TUSC3: variants seen among roughly 807,000 people sequenced by gnomAD.
TUSC3 encodes the protein dolichyl-diphosphooligosaccharide--protein glycosyltransferase subunit TUSC3.
In TUSC3, 45 loss-of-function variants were observed where a neutral mutation model predicts 44.8. The ratio of observed to expected loss-of-function variants is 1.00; its 90% CI spans 0.79 to 1.29. The LOEUF (loss-of-function observed/expected upper bound fraction) is 1.29. Ranked by LOEUF, TUSC3 falls within the 50% of genes most tolerant of loss-of-function variation. The pLI is 0.00. For missense variants in TUSC3, 519 were observed against 437.9 expected, an observed-to-expected ratio of 1.19 and a Z score of -1.65; for synonymous variants, 212 against 152.9, an observed-to-expected ratio of 1.39 and a Z score of -2.85.
At chr8:15,630,696 A>G (rs1805720100) in intron 2 of TUSC3, among the ~76,000 whole-genome samples, 1 of 152,092 alleles carries the variant, frequency 6.6e-6, no homozygotes, top group African/African-American at 2.4e-5. Flanking sequence ...TTGTGTTCCT[A>G]ACCAAGATTA....
In TUSC3 at chr8:15,594,368, G is replaced by T. The variant is rs28394473; in HGVS notation, c.139-28712G>T. On this transcript the variant is annotated intron_variant, in intron 1 of 10. Coordinates refer to ENST00000503731, the MANE Select transcript of TUSC3 (RefSeq NM_006765.4). ...ATTTTAACATCAGTGTCAGTTCTGG[G>T]TTGGTTTTGATCGATTGATTTTTTT... Among the ~76,000 whole-genome samples, 1,274 of 152,136 alleles carry T rather than the reference G, an allele frequency of 8.4e-3. 17 individuals carry two copies. The highest frequency in any genetic ancestry group is 0.03 in the African/African-American group (1,234 of 41,494).
chr8:15,603,424 G>C (rs1804376372), intron 1 of TUSC3, among the ~76,000 whole-genome samples: 1 of 151,526 alleles, frequency 6.6e-6, no homozygotes, highest in Non-Finnish European at 1.5e-5. Context: ...GAGTTAGTTT[G>C]GAAAAACAGT....
At chr8:15,508,196 C>T (rs1267517190) in intron 2 of TUSC3, among the ~76,000 whole-genome samples, 2 of 152,080 alleles carry the variant, frequency 1.3e-5, no homozygotes, top group African/African-American at 4.8e-5. Context: ...GCCGATTTCA[C>T]GCCACTGCAT....
At chr8:15,678,956 A>T (rs1401800563) in intron 6 of TUSC3, among the ~76,000 whole-genome samples, 1 of 152,194 alleles carries the variant, frequency 6.6e-6, no homozygotes, top group Non-Finnish European at 1.5e-5. Flanking sequence ...ATTGTGCTGC[A>T]TAGTATTCCT....
At chr8:15,708,812 C>T (rs1207885589) in intron 6 of TUSC3, among the ~76,000 whole-genome samples, 2 of 151,768 alleles carry the variant, frequency 1.3e-5, no homozygotes, top group Non-Finnish European at 2.9e-5. Context: ...AAAAGTGAAA[C>T]AGAAAACAGT....
At chr8:15,659,413 G>T in intron 3 of TUSC3, 94 bp from the exon 4 acceptor site, 6 of 1,463,334 alleles carry the variant, frequency 4.1e-6, no homozygotes, top group Non-Finnish European at 5.6e-6. Context: ...CATAATAAAT[G>T]CTGTTTTCCC....
chr8:15,498,224 A>G (rs570120922), intron 2 of TUSC3, among the ~76,000 whole-genome samples: 121 of 152,302 alleles, frequency 7.9e-4, no homozygotes, highest in Non-Finnish European at 1.6e-3. Flanking sequence ...TAACCTTAAG[A>G]TTGTACCTTC....
At chr8:15,582,671 T>A (rs2129147296) in intron 1 of TUSC3, among the ~76,000 whole-genome samples, 1 of 152,288 alleles carries the variant, frequency 6.6e-6, no homozygotes, top group South Asian at 2.1e-4. Context: ...CACATGACAT[T>A]GCTCTGAGAA....
chr8:15,731,528 T>G (rs1054750818), intron 7 of TUSC3, among the ~76,000 whole-genome samples: 1 of 152,146 alleles, frequency 6.6e-6, no homozygotes, highest in African/African-American at 2.4e-5. Context: ...TGAATTCATC[T>G]AGGCCAAACC....
intron 2 of TUSC3, among the ~76,000 whole-genome samples, chr8:15,649,381 G>A (rs917842402): frequency 6.6e-6 from 1 of 151,768 alleles, no homozygotes; most frequent in Non-Finnish European, 1.5e-5. Context: ...TCAGGAGATC[G>A]AGACCATCCT....
chr8:15,658,805 C>T (rs762813444), intron 3 of TUSC3, among the ~76,000 whole-genome samples: 9 of 151,698 alleles, frequency 5.9e-5, no homozygotes, highest in East Asian at 1.9e-4. Context: ...ACCGTTTATA[C>T]GAGGGTAGTG....
rs552153129 is a variant in TUSC3 at position 15,680,158 on chromosome 8, C to G, written c.798+6322C>G. On this transcript the variant is annotated intron_variant, in intron 6 of 10. Transcript: ENST00000503731. ...AAATTGAGAGGAATAGTACTGAACCCGTAGATTGCTTTGGGCAGAATGGCG... is the reference window on the plus strand; with the variant it reads ...AAATTGAGAGGAATAGTACTGAACCGGTAGATTGCTTTGGGCAGAATGGCG... Among the ~76,000 whole-genome samples, 3 of 151,894 alleles carry G rather than the reference C, an allele frequency of 2.0e-5. No individual in the cohort carries two copies. In the South Asian group the frequency reaches 6.2e-4, roughly 32 times the overall value.
rs76812522 is a variant in TUSC3 at position 15,544,908 on chromosome 8, A to G, written c.138+4340A>G. On this transcript the variant is annotated intron_variant, in intron 1 of 10. Transcript: ENST00000503731. Reference sequence around the variant, plus strand: ...GCCAAAGCTGCTTGTCAGGAATGCCATAGTGTCATGGATGATGGCAGAAGA... The same window carrying G: ...GCCAAAGCTGCTTGTCAGGAATGCCGTAGTGTCATGGATGATGGCAGAAGA... 7.0e-3 allele frequency among the ~76,000 whole-genome samples: 1,059 copies of G among 151,970 alleles called. 19 individuals carry two copies. Among genetic ancestry groups the G allele is most frequent in the African/African-American group, 0.023 (972 of 41,552 alleles).
At chr8:15,582,215 C>A (rs1345370467) in intron 1 of TUSC3, among the ~76,000 whole-genome samples, 1 of 152,168 alleles carries the variant, frequency 6.6e-6, no homozygotes, top group African/African-American at 2.4e-5. Context: ...GTCTGGCACT[C>A]CCTAGTGAGA....
At chr8:15,566,555 T>A (rs1802680799) in intron 1 of TUSC3, among the ~76,000 whole-genome samples, 1 of 151,988 alleles carries the variant, frequency 6.6e-6, no homozygotes, top group African/African-American at 2.4e-5. Context: ...CATATATTCC[T>A]CAGAGGAGGT....
the TUSC3 span, among the ~76,000 whole-genome samples, chr8:15,782,389 G>C: frequency 1.3e-5 from 2 of 152,088 alleles, no homozygotes; most frequent in African/African-American, 2.4e-5. Context: ...TGAGGCAGGA[G>C]AATCAGTTGG....
chr8:15,720,118 G>A (rs963025538), intron 6 of TUSC3, among the ~76,000 whole-genome samples: 5 of 151,722 alleles, frequency 3.3e-5, no homozygotes, highest in Non-Finnish European at 5.9e-5. Context: ...GTGTCTCAAA[G>A]TGTTGCCCAG....
intron 5 of TUSC3, among the ~76,000 whole-genome samples, chr8:15,671,547 T>C (rs537124805): frequency 9.9e-5 from 15 of 152,166 alleles, no homozygotes; most frequent in African/African-American, 3.4e-4. Context: ...TAAATACATT[T>C]GCCACTACTT....
rs6990048 is a variant in TUSC3, at chr8:15,566,057, G to T, written c.138+25489G>T. On this transcript the variant is annotated intron_variant, in intron 1 of 10. Coordinates refer to ENST00000503731, the MANE Select transcript of TUSC3 (RefSeq NM_006765.4). ...TGATTCAGAGTAGTACATTTTCCTT[G>T]TTTTTTCTGTCCATCGTTTGTTAAC... Among the ~76,000 whole-genome samples the T allele has an allele frequency of 9.4e-3, 1,433 of 152,108 alleles. 31 individuals carry two copies. The highest frequency in any genetic ancestry group is 0.033 in the African/African-American group (1,357 of 41,482).
Sources: gnomAD v4.1 joint callset for allele counts (sites outside exome capture counted in the v4.1 genomes callset) on GRCh38, gnomAD v4.1.1 for gene constraint, MANE v1.5 for transcripts, NCBI Gene and HGNC (gene_info 2026-07-23, HGNC 2026-07-21) for gene names.